CISD2: variants seen among roughly 807,000 people sequenced by gnomAD.
CISD2 encodes CDGSH iron sulfur domain 2.
Under a neutral mutation model 12.9 loss-of-function variants are expected in CISD2, and 1 was observed. The ratio of observed to expected loss-of-function variants is 0.08; its 90% CI spans 0.03 to 0.37. The LOEUF is 0.37. Ranked by LOEUF, CISD2 falls within the 10% of genes least tolerant of loss-of-function variation. The pLI is 0.99. For synonymous variants in CISD2, 50 were observed against 60.6 expected, an observed-to-expected ratio of 0.83 and a Z score of 0.81; for missense variants, 97 against 163.1, an observed-to-expected ratio of 0.59 and a Z score of 2.21.
intron 1 of CISD2, among the ~76,000 whole-genome samples, chr4:102,881,511 A>C (rs185738173): frequency 6.6e-6 from 1 of 152,374 alleles, no homozygotes; most frequent in East Asian, 1.9e-4. Flanking sequence ...CATCATATGC[A>C]TGTATGCATG....
In CISD2 at chr4:102,889,687, C is replaced by G. The variant is rs1487018997; in HGVS notation, c.*2257C>G. 1 of 152,192 alleles carries G rather than the reference C, an allele frequency of 6.6e-6. No homozygotes were observed. The highest frequency in any genetic ancestry group is 1.5e-5 in the Non-Finnish European group (1 of 68,026). The allele number at this position is 152,192 out of a possible 1,614,324, so 9.4% of individuals were successfully genotyped here. On this transcript the variant is annotated 3_prime_UTR_variant, in exon 3 of 3. Transcript: ENST00000273986. ...AATATGCTAAGAGCTATGCCCATATCTTTTCCCACCTGTGCACATTTTTCA... is the reference window on the plus strand; with the variant it reads ...AATATGCTAAGAGCTATGCCCATATGTTTTCCCACCTGTGCACATTTTTCA...
At chr4:102,870,946 T>G (rs576125539) in intron 1 of CISD2, among the ~76,000 whole-genome samples, 2 of 152,330 alleles carry the variant, frequency 1.3e-5, no homozygotes, top group African/African-American at 4.8e-5. Context: ...GTTGTCATAT[T>G]TCTCCCTTTT....
In CISD2 at chr4:102,891,979, G is replaced by A. The variant is rs1734269019; in HGVS notation, c.*4549G>A. 6 of 152,192 alleles carry A rather than the reference G, an allele frequency of 3.9e-5. No homozygotes were observed. The highest frequency in any genetic ancestry group is 2.6e-4 in the Admixed American group (4 of 15,272). 9.4% of individuals were successfully genotyped at this position (152,192 alleles called of 1,614,324 possible). A position where few individuals can be genotyped will look rare whatever the true frequency, so the allele number is the denominator to read the frequency against. ...TAACTATGCTTCATCATCTGAGGTT[G>A]TGTTAACATAGTTTGTCCTAATAGT... On this transcript the variant is annotated 3_prime_UTR_variant, in exon 3 of 3. Coordinates refer to ENST00000273986, the MANE Select transcript of CISD2 (RefSeq NM_001008388.5).
rs1734208118 is a variant in CISD2 at position 102,890,840 on chromosome 4, T to TAAAAAGAAAAAAA, written c.*3415_*3416insGAAAAAAAAAAAA. On this transcript the variant is annotated 3_prime_UTR_variant, in exon 3 of 3. Transcript: ENST00000273986. Reference sequence around the variant, plus strand: ...GGGCAACAGAAGTGAAACCCTATCTTAAAAAAAAAAAAAGTCTTTTTTTTT... The same window carrying TAAAAAGAAAAAAA: ...GGGCAACAGAAGTGAAACCCTATCTTAAAAAGAAAAAAAAAAAAAAAAAAAAGTCTTTTTTTTT... 1.3e-5 allele frequency: 1 copy of TAAAAAGAAAAAAA among 76,232 alleles called. No homozygotes were observed. Among genetic ancestry groups the TAAAAAGAAAAAAA allele is most frequent in the Non-Finnish European group, 2.2e-5 (1 of 45,234 alleles). The allele number at this position is 76,232 out of a possible 1,614,324, so 4.7% of individuals were successfully genotyped here. A position where few individuals can be genotyped will look rare whatever the true frequency, so the allele number is the denominator to read the frequency against.
chr4:102,877,748 T>C (rs1733623644), intron 1 of CISD2, among the ~76,000 whole-genome samples: 1 of 152,208 alleles, frequency 6.6e-6, no homozygotes, highest in African/African-American at 2.4e-5. Flanking sequence ...CTTTGAAATC[T>C]AGGGTGAAGT....
Position 102,889,022 on chromosome 4 carries a change from T to G in CISD2, c.*1592T>G, listed in dbSNP as rs568722495. ...AATAAAACTAATTGTTATTGGGCACTTGTATGTACCAGACACTACACTAAG... is the reference window on the plus strand; with the variant it reads ...AATAAAACTAATTGTTATTGGGCACGTGTATGTACCAGACACTACACTAAG... On this transcript the variant is annotated 3_prime_UTR_variant, in exon 3 of 3. Transcript: ENST00000273986. 6.6e-6 allele frequency: 1 copy of G among 152,356 alleles called. No homozygotes were observed. Among genetic ancestry groups the G allele is most frequent in the East Asian group, 1.9e-4 (1 of 5,194 alleles). 9.4% of individuals were successfully genotyped at this position (152,356 alleles called of 1,614,324 possible). A position where few individuals can be genotyped will look rare whatever the true frequency, so the allele number is the denominator to read the frequency against.
chr4:102,869,067 T>G lies in CISD2; in HGVS notation c.-18T>G. 1 of 1,599,210 alleles carries G rather than the reference T, an allele frequency of 6.3e-7. No individual in the cohort carries two copies. Reference sequence around the variant, plus strand: ...GAGCGGAGGGGGCTCGGGAGAGGAGTGGACGCCGCTGGCCAGGATGGTGCT... The same window carrying G: ...GAGCGGAGGGGGCTCGGGAGAGGAGGGGACGCCGCTGGCCAGGATGGTGCT... On this transcript the variant is annotated 5_prime_UTR_variant, in exon 1 of 3. Coordinates refer to ENST00000273986, the MANE Select transcript of CISD2 (RefSeq NM_001008388.5).
chr4:102,879,951 T>C (rs1328787732), intron 1 of CISD2, among the ~76,000 whole-genome samples: 1 of 152,108 alleles, frequency 6.6e-6, no homozygotes, highest in Non-Finnish European at 1.5e-5. Context: ...TTATTTTTTT[T>C]ATTTTTTTGA....
At chr4:102,881,657 A>T (rs574094588) in intron 1 of CISD2, among the ~76,000 whole-genome samples, 1 of 152,336 alleles carries the variant, frequency 6.6e-6, no homozygotes, top group African/African-American at 2.4e-5. Context: ...AAAGTTTTTC[A>T]GTAGTTAAAT....
At position 102,872,679 on chromosome 4, in the gene CISD2, CTAT is replaced by C. The variant is rs1733487800; in HGVS notation, c.103+3498_103+3500del. On this transcript the variant is annotated intron_variant, in intron 1 of 2. Coordinates refer to ENST00000273986, the MANE Select transcript of CISD2 (RefSeq NM_001008388.5). ...TTATGTCATTTTATGTCATTTTTAG[CTAT>C]TATTAAAAAATGTTTTAATAATAGT... is the stretch of plus-strand genomic sequence containing the variant. Among the ~76,000 whole-genome samples the C allele has an allele frequency of 2.6e-5, 4 of 151,572 alleles. 1 individual carries two copies. Among genetic ancestry groups the C allele is most frequent in the Admixed American group, 2.6e-4 (4 of 15,230 alleles).
intron 1 of CISD2, among the ~76,000 whole-genome samples, chr4:102,877,889 G>A (rs1733627881): frequency 6.6e-6 from 1 of 152,178 alleles, no homozygotes; most frequent in African/African-American, 2.4e-5. Context: ...GCCATGGCTG[G>A]GACACAGGGC....
At chr4:102,882,515 C>T (rs973316255) in intron 1 of CISD2, among the ~76,000 whole-genome samples, 1 of 152,130 alleles carries the variant, frequency 6.6e-6, no homozygotes, top group Non-Finnish European at 1.5e-5. Flanking sequence ...GAAAGGTAGC[C>T]TTGCCATTCT....
chr4:102,876,314 A>T (rs1341158560), intron 1 of CISD2, among the ~76,000 whole-genome samples: 1 of 152,230 alleles, frequency 6.6e-6, no homozygotes, highest in Non-Finnish European at 1.5e-5. Context: ...AAACTGAATT[A>T]GTTGTTTACT....
rs1045251323 is a variant in CISD2 at position 102,890,738 on chromosome 4, G to A, written c.*3308G>A. The A allele has an allele frequency of 8.7e-5, 13 of 149,118 alleles. No homozygotes were observed. The highest frequency in any genetic ancestry group is 3.3e-4 in the African/African-American group (13 of 39,994). The allele number at this position is 149,118 out of a possible 1,614,324, so 9.2% of individuals were successfully genotyped here. A position where few individuals can be genotyped will look rare whatever the true frequency, so the allele number is the denominator to read the frequency against. On this transcript the variant is annotated 3_prime_UTR_variant, in exon 3 of 3. Transcript: ENST00000273986. Reference sequence around the variant, plus strand: ...ACCAGTAGTCCCAGTTACTCGGGAGGCTGAGGCACAAGAATCTCTTGAGTT... The same window carrying A: ...ACCAGTAGTCCCAGTTACTCGGGAGACTGAGGCACAAGAATCTCTTGAGTT...
At position 102,869,056 on chromosome 4, in the gene CISD2, C is replaced by T. The variant is rs551895041; in HGVS notation, c.-29C>T. ...CAGCTTGGCCAGAGCGGAGGGGGCT[C>T]GGGAGAGGAGTGGACGCCGCTGGCC... On this transcript the variant is annotated 5_prime_UTR_variant, in exon 1 of 3. Transcript: ENST00000273986. 299 of 1,591,818 alleles carry T rather than the reference C, an allele frequency of 1.9e-4. 1 individual carries two copies. In the South Asian group the frequency reaches 3.2e-3, roughly 17 times the overall value.
At chr4:102,881,665 A>G (rs1273333144) in intron 1 of CISD2, among the ~76,000 whole-genome samples, 1 of 152,206 alleles carries the variant, frequency 6.6e-6, no homozygotes, top group Non-Finnish European at 1.5e-5. Context: ...TCAGTAGTTA[A>G]ATTGTAGTTG....
At chr4:102,875,241 C>T (rs1467997799) in intron 1 of CISD2, among the ~76,000 whole-genome samples, 1 of 152,250 alleles carries the variant, frequency 6.6e-6, no homozygotes, top group African/African-American at 2.4e-5. Flanking sequence ...TACTCTTCAT[C>T]TTTCAGAAAC....
rs1734066576 is a variant in CISD2 at position 102,888,644 on chromosome 4, T to A, written c.*1214T>A. 6.6e-6 allele frequency: 1 copy of A among 152,264 alleles called. No homozygotes were observed. Among genetic ancestry groups the A allele is most frequent in the Non-Finnish European group, 1.5e-5 (1 of 68,050 alleles). The allele number at this position is 152,264 out of a possible 1,614,324, so 9.4% of individuals were successfully genotyped here. A position where few individuals can be genotyped will look rare whatever the true frequency, so the allele number is the denominator to read the frequency against. Reference sequence around the variant, plus strand: ...CTTACATTACTACTCTCATAATAGCTATCCTTAGCCAGGTGCCATGGCACA... The same window carrying A: ...CTTACATTACTACTCTCATAATAGCAATCCTTAGCCAGGTGCCATGGCACA... On this transcript the variant is annotated 3_prime_UTR_variant, in exon 3 of 3. Coordinates refer to ENST00000273986, the MANE Select transcript of CISD2 (RefSeq NM_001008388.5).
At chr4:102,880,779 G>A (rs926567952) in intron 1 of CISD2, among the ~76,000 whole-genome samples, 3 of 151,844 alleles carry the variant, frequency 2.0e-5, no homozygotes, top group Admixed American at 2.0e-4. Context: ...GATCACCTGA[G>A]GTCAGGAGCT....
Sources: gnomAD v4.1 joint callset for allele counts (sites outside exome capture counted in the v4.1 genomes callset) on GRCh38, gnomAD v4.1.1 for gene constraint, MANE v1.5 for transcripts, NCBI Gene and HGNC (gene_info 2026-07-23, HGNC 2026-07-21) for gene names.